The following DNAH11 variants were observed in gnomAD, a reference collection of about 807,000 sequenced individuals.
The protein encoded by DNAH11 is dynein axonemal heavy chain 11.
In DNAH11, 442 loss-of-function variants were observed where a neutral mutation model predicts 526.0. The ratio of observed to expected loss-of-function variants is 0.84; its 90% CI spans 0.78 to 0.91. The LOEUF (loss-of-function observed/expected upper bound fraction) is 0.91, where lower values mean the gene tolerates loss of function less well. DNAH11 is among the 40% of genes least tolerant of loss of function. The pLI, the probability that DNAH11 is intolerant of heterozygous loss-of-function variation, is 0.00. For missense variants in DNAH11, 6,989 were observed against 5,448.7 expected, an observed-to-expected ratio of 1.28 and a Z score of -8.90; for synonymous variants, 2,461 against 1,935.9, an observed-to-expected ratio of 1.27 and a Z score of -7.12.
chr7:21,690,398 T>A (rs1011623053), intron 34 of DNAH11, among the ~76,000 whole-genome samples: 5 of 152,214 alleles, frequency 3.3e-5, no homozygotes, highest in African/African-American at 1.2e-4. Context: ...AGTATGGGCA[T>A]TCTCTGTCTA....
At chr7:21,693,184 C>G (rs867280478) in intron 35 of DNAH11, among the ~76,000 whole-genome samples, 26 of 152,222 alleles carry the variant, frequency 1.7e-4, no homozygotes, top group Middle Eastern at 3.4e-3. Flanking sequence ...AAATTTTTAA[C>G]TATGTTTTCT....
At position 21,711,799 on chromosome 7, in the gene DNAH11, C is replaced by T. The variant is rs373358447; in HGVS notation, c.6922C>T (p.Pro2308Ser). 3.1e-6 allele frequency: 5 copies of T among 1,613,742 alleles called. No individual in the cohort carries two copies. Among genetic ancestry groups the T allele is most frequent in the Non-Finnish European group, 4.2e-6 (5 of 1,179,830 alleles). Residue 2308 changes from proline (P) to serine (S), a missense_variant, in exon 42 of 82, where the codon CCG becomes TCG. Transcript: ENST00000409508. ...FEIHHLRSAT[P>S]ATVSRAGILY... ...GATACATCACTTAAGGAGCGCAACCCCGGCCACTGTTTCCAGAGCTGGTAT... is the reference window on the plus strand; with the variant it reads ...GATACATCACTTAAGGAGCGCAACCTCGGCCACTGTTTCCAGAGCTGGTAT...
rs1190251540 is a variant in DNAH11, at chr7:21,705,521, G to A, written c.6530G>A (p.Gly2177Asp). The change falls in exon 39 of 82, where the codon GGC becomes GAC. Residue 2177 changes from glycine to aspartate, a missense_variant. Coordinates refer to ENST00000409508, the MANE Select transcript of DNAH11 (RefSeq NM_001277115.2). ...RHSVFVVGNA[G>D]TGKSKILRTL... is the part of the protein sequence containing the mutation. ...TCGGTCTTTGTAGTTGGAAATGCAG[G>A]CACAGGAAAGAGTAAGGTATAGTAA... 3 of 1,613,560 alleles carry A rather than the reference G, an allele frequency of 1.9e-6. No homozygotes were observed. The highest frequency in any genetic ancestry group is 3.3e-5 in the Admixed American group (2 of 59,988).
rs767617416 is a variant in DNAH11 at position 21,738,793 on chromosome 7, A to T, written c.7738A>T (p.Met2580Leu). The T allele has an allele frequency of 2.1e-5, 34 of 1,601,670 alleles. No individual in the cohort carries two copies. The highest frequency in any genetic ancestry group is 2.7e-5 in the African/African-American group (2 of 74,674). ...KLIYFIDDMN[M>L]PEVDLYGTVQ... ...GATTTATTTTATCGACGACATGAAC[A>T]TGCCTGAAGTGGACTTATATGGCAC... is the stretch of plus-strand genomic sequence containing the variant. Residue 2580 changes from methionine (M) to leucine (L), a missense_variant, in exon 47 of 82, where the codon ATG (methionine) becomes TTG (leucine). Physicochemically the swap from Met to Leu is conservative, Grantham distance 15. Transcript: ENST00000409508.
At chr7:21,624,469 A>T (rs1786237568) in intron 25 of DNAH11, among the ~76,000 whole-genome samples, 1 of 152,160 alleles carries the variant, frequency 6.6e-6, no homozygotes. Context: ...TGGAGCTGTT[A>T]GGATTTTCTA....
intron 66 of DNAH11, among the ~76,000 whole-genome samples, chr7:21,848,490 T>TCA (rs1782505521): frequency 1.3e-5 from 2 of 152,130 alleles, no homozygotes; most frequent in East Asian, 3.9e-4. Flanking sequence ...TTTATTGGGT[T>TCA]TTATTCATTA....
chr7:21,576,495 T>C (rs1185290269), intron 8 of DNAH11, among the ~76,000 whole-genome samples: 1 of 152,224 alleles, frequency 6.6e-6, no homozygotes, highest in Non-Finnish European at 1.5e-5. Context: ...ATAGAGGGTA[T>C]GGATAATATG....
At chr7:21,773,045 C>T (rs955422448) in intron 55 of DNAH11, among the ~76,000 whole-genome samples, 1 of 152,094 alleles carries the variant, frequency 6.6e-6, no homozygotes, top group African/African-American at 2.4e-5. Context: ...ATTAACTGAA[C>T]CTGGTTCATC....
intron 65 of DNAH11, among the ~76,000 whole-genome samples, chr7:21,819,798 CAG>C (rs761825950): frequency 6.6e-6 from 1 of 152,162 alleles, no homozygotes; most frequent in East Asian, 1.9e-4. Context: ...ATTTTAGAAA[CAG>C]ATTTTACATA....
At chr7:21,775,640 T>A (rs1787639506) in intron 56 of DNAH11, among the ~76,000 whole-genome samples, 1 of 151,826 alleles carries the variant, frequency 6.6e-6, no homozygotes, top group Admixed American at 6.6e-5. Context: ...AGTCTGTCTT[T>A]CCTGTCTCTT....
intron 30 of DNAH11, among the ~76,000 whole-genome samples, chr7:21,668,417 T>TAG (rs1562741047): frequency 1.3e-5 from 2 of 152,222 alleles, no homozygotes; most frequent in Admixed American, 6.5e-5. Context: ...AATGTTTCTC[T>TAG]TGTAACACAG....
At chr7:21,864,888 A>G (rs551421134) in intron 70 of DNAH11, among the ~76,000 whole-genome samples, 1 of 152,356 alleles carries the variant, frequency 6.6e-6, no homozygotes, top group Admixed American at 6.5e-5. Flanking sequence ...AAGTTAATAA[A>G]TATGTACAAT....
At chr7:21,843,047 A>C (rs1782275495) in intron 66 of DNAH11, among the ~76,000 whole-genome samples, 2 of 152,188 alleles carry the variant, frequency 1.3e-5, no homozygotes, top group South Asian at 4.1e-4. Flanking sequence ...TTGGAATGTA[A>C]TCGACTAATT....
chr7:21,707,413 C>T (rs1647403743), intron 39 of DNAH11, among the ~76,000 whole-genome samples: 1 of 152,246 alleles, frequency 6.6e-6, no homozygotes, highest in South Asian at 2.1e-4. Flanking sequence ...TGGTCCTCCA[C>T]TTTGTACACA....
chr7:21,721,737 G>T (rs1026826069), intron 44 of DNAH11, among the ~76,000 whole-genome samples: 1 of 152,152 alleles, frequency 6.6e-6, no homozygotes, highest in Non-Finnish European at 1.5e-5. Context: ...ACACTGTGGG[G>T]TAGGGCTTCA....
intron 68 of DNAH11, among the ~76,000 whole-genome samples, chr7:21,855,667 G>T (rs1253408225): frequency 2.0e-5 from 3 of 152,194 alleles, no homozygotes; most frequent in Non-Finnish European, 4.4e-5. Flanking sequence ...CTTGTACCAT[G>T]CTGCTGCCTG....
chr7:21,601,334 A>T, intron 17 of DNAH11, 62 bp from the exon 18 acceptor site: 1 of 1,511,688 alleles, frequency 6.6e-7, no homozygotes, highest in Non-Finnish European at 9.0e-7. Flanking sequence ...CAGAAGTCTT[A>T]TACTGCTAAA....
At chr7:21,617,889 G>C in intron 23 of DNAH11, 112 bp downstream of exon 23, 1 of 1,148,926 alleles carries the variant, frequency 8.7e-7, no homozygotes. Flanking sequence ...CCTCAGCATA[G>C]CCTCTACTTG....
At chr7:21,632,937 T>C (rs1020325015) in intron 25 of DNAH11, among the ~76,000 whole-genome samples, 6 of 152,170 alleles carry the variant, frequency 3.9e-5, no homozygotes, top group African/African-American at 9.7e-5. Context: ...ATTGGGCAAT[T>C]TGTAAAAGAA....
Sources: allele counts gnomAD v4.1 joint callset (sites outside exome capture counted in the v4.1 genomes callset), GRCh38; gene constraint gnomAD v4.1.1; transcripts MANE v1.5; gene names NCBI Gene and HGNC (gene_info 2026-07-23, HGNC 2026-07-21).